Variants in TRPM3 observed in about 807,000 individuals in gnomAD.
TRPM3 encodes the protein long transient receptor potential channel 3.
Under a neutral mutation model 181.2 loss-of-function variants are expected in TRPM3, and 77 were observed. The observed-to-expected ratio is 0.42, with a 90% CI of 0.35 to 0.51. The LOEUF (loss-of-function observed/expected upper bound fraction) is 0.51, where lower values mean the gene tolerates loss of function less well. Among genes scored for constraint, TRPM3 ranks in the 20% least tolerant of loss-of-function variants. TRPM3 has a pLI of 0.01. For missense variants in TRPM3, 1,759 were observed against 2,196.7 expected, an observed-to-expected ratio of 0.80 and a Z score of 3.98; for synonymous variants, 745 against 796.4, an observed-to-expected ratio of 0.94 and a Z score of 1.09.
chr9:71,039,808 G>GTATCAT (rs1565046887), intron 1 of TRPM3, among the ~76,000 whole-genome samples: 1 of 152,042 alleles, frequency 6.6e-6, no homozygotes, highest in Non-Finnish European at 1.5e-5. Context: ...ATTATACCCT[G>GTATCAT]TATCATTATC....
chr9:70,619,247 C>T (rs1469012836), intron 16 of TRPM3, 152 bp from the exon 17 acceptor site: 1 of 646,804 alleles, frequency 1.5e-6, no homozygotes, highest in African/African-American at 1.8e-5. Context: ...ATCCAGCCAA[C>T]ATCCACTAAG....
chr9:70,791,340 G>A (rs2085351439), intron 6 of TRPM3, among the ~76,000 whole-genome samples: 1 of 152,160 alleles, frequency 6.6e-6, no homozygotes, highest in Admixed American at 6.5e-5. Context: ...GCAACAAAAT[G>A]TTTCACTTCT....
At chr9:71,346,298 C>T (rs2091289739) in intron 1 of TRPM3, among the ~76,000 whole-genome samples, 1 of 152,136 alleles carries the variant, frequency 6.6e-6, no homozygotes, top group Non-Finnish European at 1.5e-5. Flanking sequence ...AATTTGCATG[C>T]AATAAAGTTA....
At position 70,620,335 on chromosome 9, in the gene TRPM3, T is replaced by C; in HGVS notation, c.1870A>G (p.Thr624Ala). The change falls in exon 16 of 26, where the codon ACA (threonine) becomes GCA (alanine). Residue 624 changes from threonine (T) to alanine (A), a missense_variant. By Grantham distance (58) the Thr-to-Ala change is moderately conservative (BLOSUM62 0). This residue lies in a region of TRPM3 where 737 missense variants were observed against 957.4 expected (regional missense o/e 0.77). Transcript: ENST00000677713. ...DDIPLRRGRKTTKKREEEVDI... is the reference protein window; with the variant it reads ...DDIPLRRGRKATKKREEEVDI... ...ACCTCTTCTTCACGTTTCTTGGTTGTCTTTCTTCCTCGCCTCAAGGGAATA... is the reference window on the plus strand; with the variant it reads ...ACCTCTTCTTCACGTTTCTTGGTTGCCTTTCTTCCTCGCCTCAAGGGAATA... The C allele has an allele frequency of 2.5e-6, 4 of 1,613,540 alleles. No individual in the cohort carries two copies. The Middle Eastern group carries it at 5.0e-4, about 200-fold the overall frequency.
At chr9:70,815,687 G>A (rs925949676) in intron 6 of TRPM3, among the ~76,000 whole-genome samples, 10 of 152,020 alleles carry the variant, frequency 6.6e-5, no homozygotes, top group Non-Finnish European at 1.5e-4. Flanking sequence ...TTTTTGATTT[G>A]TAGATACTCG....
At chr9:70,815,000 A>G (rs1057172465) in intron 6 of TRPM3, among the ~76,000 whole-genome samples, 21 of 152,068 alleles carry the variant, frequency 1.4e-4, no homozygotes, top group African/African-American at 4.1e-4. Flanking sequence ...ATAAAGTGAA[A>G]AGTGTCACTC....
At chr9:70,970,431 A>T (rs34260617) in intron 1 of TRPM3, among the ~76,000 whole-genome samples, 43,763 of 151,824 alleles carry the variant, frequency 0.29, 6,294 homozygotes, top group East Asian at 0.36. Flanking sequence ...TCCTTCTGGA[A>T]CCCTGTGCTC....
rs2046856586 is a variant in TRPM3 at position 70,553,153 on chromosome 9, CACTT to C, written c.3374+3_3374+6del. 1 of 1,614,154 alleles carries C rather than the reference CACTT, an allele frequency of 6.2e-7. No homozygotes were observed. The highest frequency in any genetic ancestry group is 2.2e-5 in the East Asian group (1 of 44,870). On this transcript the variant is annotated splice_donor_5th_base_variant and intron_variant, in intron 23 of 25. Transcript: ENST00000677713. ...TCCATCCCACGTGCTCCAAAGGACCCACTTACTTAAAGACAGCAATGAGGAGGTT... is the reference window on the plus strand; with the variant it reads ...TCCATCCCACGTGCTCCAAAGGACCCACTTAAAGACAGCAATGAGGAGGTT...
chr9:71,246,874 T>C (rs2082063497), intron 1 of TRPM3, among the ~76,000 whole-genome samples: 1 of 152,218 alleles, frequency 6.6e-6, no homozygotes, highest in Non-Finnish European at 1.5e-5. Flanking sequence ...AATTCCAGTG[T>C]ATCACAAAGC....
intron 1 of TRPM3, among the ~76,000 whole-genome samples, chr9:70,947,902 C>T (rs2096952773): frequency 6.6e-6 from 1 of 152,122 alleles, no homozygotes; most frequent in South Asian, 2.1e-4. Context: ...TCTTGCACTT[C>T]CCCCAAATCT....
intron 22 of TRPM3, among the ~76,000 whole-genome samples, chr9:70,562,542 A>T (rs775607387): frequency 6.6e-6 from 1 of 151,348 alleles, no homozygotes; most frequent in Non-Finnish European, 1.5e-5. Flanking sequence ...ACCCACTATT[A>T]AGCTCAATGT....
rs539375923 is a variant in TRPM3, at chr9:70,786,119, TA to T, written c.974-1841del. Among the ~76,000 whole-genome samples, 420 of 151,964 alleles carry T rather than the reference TA, an allele frequency of 2.8e-3. 4 individuals are homozygous for T. Among genetic ancestry groups the T allele is most frequent in the Middle Eastern group, 6.8e-3 (2 of 294 alleles). ...GTGTCTGTAAAGGAGACAGTTTCCT[TA>T]TTGCTGCCTATTATGATGATTGAGT... On this transcript the variant is annotated intron_variant, in intron 6 of 25. Transcript: ENST00000677713.
chr9:70,669,363 G>A (rs1201877904), intron 9 of TRPM3, among the ~76,000 whole-genome samples: 1 of 152,174 alleles, frequency 6.6e-6, no homozygotes, highest in Non-Finnish European at 1.5e-5. Context: ...GGTGAACCCT[G>A]GTGTTCTTGG....
intron 1 of TRPM3, among the ~76,000 whole-genome samples, chr9:71,334,212 C>A (rs2090406770): frequency 6.6e-6 from 1 of 151,636 alleles, no homozygotes; most frequent in Admixed American, 6.6e-5. Context: ...AAGTAATTCA[C>A]CAGAAAGAGA....
intron 6 of TRPM3, chr9:70,811,058 C>A: frequency 2.5e-6 from 2 of 805,426 alleles, no homozygotes; most frequent in Middle Eastern, 2.5e-4. Flanking sequence ...AGAGATAAAA[C>A]AACAGTCATA....
At chr9:71,042,617 A>G (rs1489716268) in intron 1 of TRPM3, among the ~76,000 whole-genome samples, 2 of 152,098 alleles carry the variant, frequency 1.3e-5, no homozygotes, top group Admixed American at 6.5e-5. Flanking sequence ...CCTATGTCCA[A>G]GCTAATATTT....
intron 1 of TRPM3, among the ~76,000 whole-genome samples, chr9:70,941,577 T>C (rs541942988): frequency 5.3e-5 from 8 of 152,310 alleles, no homozygotes; most frequent in African/African-American, 1.7e-4. Flanking sequence ...ATCTATCCTA[T>C]TAGTTCTGTC....
At chr9:70,941,539 A>C (rs2096885846) in intron 1 of TRPM3, among the ~76,000 whole-genome samples, 1 of 152,306 alleles carries the variant, frequency 6.6e-6, no homozygotes, top group African/African-American at 2.4e-5. Flanking sequence ...ATTCTCCTTA[A>C]TAAACCCCTC....
intron 22 of TRPM3, among the ~76,000 whole-genome samples, chr9:70,569,932 C>A (rs1282094443): frequency 6.6e-6 from 1 of 152,086 alleles, no homozygotes; most frequent in Non-Finnish European, 1.5e-5. Flanking sequence ...TGTCTCCAGT[C>A]TAAGTTATGT....
Sources: allele counts gnomAD v4.1 joint callset (sites outside exome capture counted in the v4.1 genomes callset), GRCh38; gene constraint gnomAD v4.1.1; regional missense constraint gnomAD v4.1.1; transcripts MANE v1.5; gene names NCBI Gene and HGNC (gene_info 2026-07-23, HGNC 2026-07-21).